The following PCDHGA5 variants were observed in gnomAD, a reference collection of about 807,000 sequenced individuals.
PCDHGA5 encodes the protein protocadherin gamma-A5.
A neutral mutation model predicts 56.7 loss-of-function variants in PCDHGA5; 36 were observed. The observed-to-expected ratio is 0.64, with a 90% CI of 0.49 to 0.84. The LOEUF (loss-of-function observed/expected upper bound fraction) is 0.84. Ranked by LOEUF, PCDHGA5 falls within the 40% of genes least tolerant of loss-of-function variation. The probability of loss-of-function intolerance (pLI) is 0.00; values close to 1 mark genes in which losing one functional copy is unlikely to be tolerated. For synonymous variants in PCDHGA5, 563 were observed against 520.2 expected (o/e 1.08, Z -1.12); for missense variants, 1,305 against 1,201.5 (o/e 1.09, Z -1.27).
At chr5:141,398,866 T>TAC (rs775997367) in intron 1 of PCDHGA5, 28 of 1,613,844 alleles carry the variant, frequency 1.7e-5, no homozygotes, top group Non-Finnish European at 8.5e-7. Flanking sequence ...CCGAGACGTG[T>TAC]ACAGAGTCAG....
chr5:141,433,255 A>G (rs2097579829), intron 1 of PCDHGA5: 2 of 1,401,470 alleles, frequency 1.4e-6, no homozygotes, highest in South Asian at 1.4e-5. Context: ...ATGCAGCGGT[A>G]CGATCATAGC....
intron 1 of PCDHGA5, among the ~76,000 whole-genome samples, chr5:141,436,383 G>C (rs1374382672): frequency 6.6e-6 from 1 of 152,104 alleles, no homozygotes; most frequent in Admixed American, 6.5e-5. Context: ...AGCTGAATAG[G>C]CTTTATTAAA....
intron 1 of PCDHGA5, chr5:141,372,213 C>T (rs999187008): frequency 1.2e-6 from 2 of 1,613,592 alleles, no homozygotes; most frequent in Non-Finnish European, 1.7e-6. Context: ...GCTGTCCTAC[C>T]ACATTGTGCA....
chr5:141,452,654 T>C (rs2098746449), intron 1 of PCDHGA5, among the ~76,000 whole-genome samples: 1 of 151,162 alleles, frequency 6.6e-6, no homozygotes, highest in Non-Finnish European at 1.5e-5. Context: ...ATTTGCTCCA[T>C]CCACTGCACT....
intron 1 of PCDHGA5, chr5:141,423,709 C>G (rs2096768343): frequency 8.7e-7 from 1 of 1,147,590 alleles, no homozygotes; most frequent in African/African-American, 1.9e-5. Context: ...TGGCACAAGT[C>G]TTTTAAGGAG....
Position 141,490,672 on chromosome 5 carries a change from G to A in PCDHGA5, c.2422-4135G>A. ...GGGCTCCCTTCTTTGCACTGTGGCT[G>A]CCTCAGATCCAGACACTGGGGATAA... is the stretch of plus-strand genomic sequence containing the variant. On this transcript the variant is annotated intron_variant, in intron 1 of 3. Transcript: ENST00000518069. This position sits in a 1 kb window ranked among gnomAD's most constrained non-coding sequence, Gnocchi z 5.4. 1.2e-6 allele frequency: 2 copies of A among 1,614,114 alleles called. No homozygotes were observed. Among genetic ancestry groups the A allele is most frequent in the Non-Finnish European group, 1.7e-6 (2 of 1,179,996 alleles).
rs747671382 is a variant in PCDHGA5, at chr5:141,444,152, A to ATTTT, written c.2422-50622_2422-50619dup. Among the ~76,000 whole-genome samples the ATTTT allele has an allele frequency of 5.0e-4, 17 of 33,898 alleles. 5 individuals carry two copies. Among genetic ancestry groups the ATTTT allele is most frequent in the African/African-American group, 7.0e-4 (5 of 7,184 alleles). 22.2% of individuals were successfully genotyped at this position (33,898 alleles called of 152,430 possible). ...GATATGTGTCACTTGTGTGTACTGG[A>ATTTT]TTTTTTTTTTTTTTTTTTTTTTTTT... On this transcript the variant is annotated intron_variant, in intron 1 of 3. Transcript: ENST00000518069.
chr5:141,430,725 G>A (rs1436128094), intron 1 of PCDHGA5: 4 of 1,497,276 alleles, frequency 2.7e-6, no homozygotes, highest in Admixed American at 2.4e-5. Flanking sequence ...AGTGGTTAAG[G>A]GCAGAATTGA....
chr5:141,458,018 A>G (rs1361716104), intron 1 of PCDHGA5, among the ~76,000 whole-genome samples: 1 of 152,188 alleles, frequency 6.6e-6, no homozygotes, highest in Admixed American at 6.5e-5. Flanking sequence ...GGTTTTTCCA[A>G]TTGTGTTCTG....
intron 1 of PCDHGA5, chr5:141,383,224 C>T: frequency 6.2e-7 from 1 of 1,613,968 alleles, no homozygotes; most frequent in South Asian, 1.1e-5. Flanking sequence ...CTTTAACATC[C>T]TGATGGAAGA....
At chr5:141,504,269 A>T (rs7715517) in intron 2 of PCDHGA5, among the ~76,000 whole-genome samples, 3,100 of 152,246 alleles carry the variant, frequency 0.02, 113 homozygotes, top group African/African-American at 0.07. Context: ...GTATTTTTTT[A>T]AATTATGAAT....
chr5:141,495,943 CTGT>C (rs1324780860), intron 2 of PCDHGA5, among the ~76,000 whole-genome samples: 1 of 152,010 alleles, frequency 6.6e-6, no homozygotes, highest in Non-Finnish European at 1.5e-5. Flanking sequence ...GTCTCTGTGC[CTGT>C]TGTCTTTTTC....
chr5:141,409,345 A>T lies in PCDHGA5; in HGVS notation c.2421+42594A>T, dbSNP rs1012428329. 4 of 1,613,902 alleles carry T rather than the reference A, an allele frequency of 2.5e-6. No individual in the cohort carries two copies. In the African/African-American group the frequency reaches 5.3e-5, roughly 22 times the overall value. ...ATCTGGATTTCGGAGGAAATGGAGAAGTCAGGTGTAATATAGAAACAGACA... is the reference window on the plus strand; with the variant it reads ...ATCTGGATTTCGGAGGAAATGGAGATGTCAGGTGTAATATAGAAACAGACA... On this transcript the variant is annotated intron_variant, in intron 1 of 3. Transcript: ENST00000518069.
At chr5:141,375,047 C>T (rs201669950) in intron 1 of PCDHGA5, 1 of 1,613,958 alleles carries the variant, frequency 6.2e-7, no homozygotes, top group Non-Finnish European at 8.5e-7. Context: ...TGTTGAAGCC[C>T]GGGATGGGCC....
In PCDHGA5 at chr5:141,512,223, C is replaced by G. The variant is rs1321595614; in HGVS notation, c.*1050C>G. 6.5e-6 allele frequency: 1 copy of G among 152,728 alleles called. No individual in the cohort carries two copies. The highest frequency in any genetic ancestry group is 1.5e-5 in the Non-Finnish European group (1 of 68,110). 9.5% of individuals were successfully genotyped at this position (152,728 alleles called of 1,614,324 possible). ...CTCGAAGCAGGTTTAGGACCAGGTC[C>G]CCTTGAGAGGTCAGAGGGGCCTCTG... On this transcript the variant is annotated 3_prime_UTR_variant, in exon 4 of 4. Transcript: ENST00000518069.
intron 1 of PCDHGA5, among the ~76,000 whole-genome samples, chr5:141,455,250 A>C (rs1016027355): frequency 2.0e-5 from 3 of 152,172 alleles, no homozygotes; most frequent in Non-Finnish European, 2.9e-5. Flanking sequence ...GTCATAGTAC[A>C]ATCGCATTTC....
At position 141,431,335 on chromosome 5, in the gene PCDHGA5, C is replaced by A. The variant is rs747132346; in HGVS notation, c.2422-63472C>A. On this transcript the variant is annotated intron_variant, in intron 1 of 3. Transcript: ENST00000518069. This position sits in a 1 kb window ranked among gnomAD's most constrained non-coding sequence, Gnocchi z 4.8. ...ATGGAGCCGACGGTAGTAAGTACCCCGAATTGGTGCTGAAACGCGCCCTGG... is the reference window on the plus strand; with the variant it reads ...ATGGAGCCGACGGTAGTAAGTACCCAGAATTGGTGCTGAAACGCGCCCTGG... 11 of 1,613,944 alleles carry A rather than the reference C, an allele frequency of 6.8e-6. No homozygotes were observed. The Admixed American group carries it at 1.5e-4, about 22-fold the overall frequency.
At chr5:141,428,136 G>A in intron 1 of PCDHGA5, 2 of 1,600,778 alleles carry the variant, frequency 1.2e-6, no homozygotes, top group South Asian at 1.1e-5. Flanking sequence ...TTTCAGCCTG[G>A]GGCTGCACAC....
rs1372368815 is a variant in PCDHGA5 at position 141,491,370 on chromosome 5, C to T, written c.2422-3437C>T. 3 of 1,614,038 alleles carry T rather than the reference C, an allele frequency of 1.9e-6. No individual in the cohort carries two copies. The highest frequency in any genetic ancestry group is 2.2e-5 in the East Asian group (1 of 44,880). ...GTCTCTTATCCCTAGTCACCTTCAC[C>T]TTTCTGTCAGCGAAGTGCCTTCAGG... On this transcript the variant is annotated intron_variant, in intron 1 of 3. Transcript: ENST00000518069. The surrounding 1 kb of genome is among the most constrained non-coding windows in gnomAD (Gnocchi z 6.9).
Sources: gnomAD v4.1 joint callset for allele counts (sites outside exome capture counted in the v4.1 genomes callset) on GRCh38, gnomAD v4.1.1 for gene constraint, Gnocchi (gnomAD v3.1) non-coding constraint, MANE v1.5 for transcripts, NCBI Gene and HGNC (gene_info 2026-07-23, HGNC 2026-07-21) for gene names.